The following SHANK2 variants were observed in gnomAD, a reference collection of about 807,000 sequenced individuals.
SHANK2 encodes the protein SH3 and multiple ankyrin repeat domains 2, also known as SH3 and multiple ankyrin repeat domains protein 2.
A neutral mutation model predicts 133.7 loss-of-function variants in SHANK2; 43 were observed. That is an observed-to-expected ratio of 0.32 (90% confidence interval 0.25 to 0.41). The LOEUF is 0.41. Ranked by LOEUF, SHANK2 falls within the 10% of genes least tolerant of loss-of-function variation. The pLI is 1.00. For synonymous variants in SHANK2, 1,017 were observed against 952.8 expected (o/e 1.07, Z -1.24); for missense variants, 1,994 against 2,235.8 (o/e 0.89, Z 2.18).
chr11:71,218,372 C>A (rs539676302), intron 2 of SHANK2, among the ~76,000 whole-genome samples: 1 of 146,592 alleles, frequency 6.8e-6, no homozygotes, highest in East Asian at 2.1e-4. Flanking sequence ...TCAAGCGATT[C>A]TCCTGCCTCA....
chr11:70,823,952 A>T (rs1323918648), intron 11 of SHANK2, among the ~76,000 whole-genome samples: 1 of 148,340 alleles, frequency 6.7e-6, no homozygotes, highest in African/African-American at 2.5e-5. Context: ...TCACAGGTAC[A>T]GAGGTGGTAT....
chr11:70,637,941 A>G (rs2061127869), intron 17 of SHANK2, among the ~76,000 whole-genome samples: 1 of 151,628 alleles, frequency 6.6e-6, no homozygotes, highest in Non-Finnish European at 1.5e-5. Flanking sequence ...CTGTCCATCA[A>G]TTCAGGCCCA....
chr11:70,948,458 C>T (rs1950786949), intron 10 of SHANK2: 1 of 443,262 alleles, frequency 2.3e-6, no homozygotes, highest in African/African-American at 2.0e-5. Flanking sequence ...CACCGAACAT[C>T]AGCCACACTT....
chr11:70,487,852 C>T lies in SHANK2; in HGVS notation c.2573-132G>A. The T allele has an allele frequency of 6.6e-7, 1 of 1,522,784 alleles. No individual in the cohort carries two copies. The highest frequency in any genetic ancestry group is 8.9e-7 in the Non-Finnish European group (1 of 1,128,282). 94.3% of individuals were successfully genotyped at this position (1,522,784 alleles called of 1,614,324 possible). On this transcript the variant is annotated intron_variant, in intron 24 of 25. Coordinates refer to ENST00000601538, the MANE Select transcript of SHANK2 (RefSeq NM_012309.5). This position sits in a 1 kb window ranked among gnomAD's most constrained non-coding sequence, Gnocchi z 5.8. ...TGAACCGGATGTTCAGGAAACACAG[C>T]ACAAGCCACGATGCCGAGTGGTTAG...
Position 70,487,124 on chromosome 11 carries a change from G to C in SHANK2, c.3169C>G (p.Pro1057Ala), listed in dbSNP as rs530258394. The C allele has an allele frequency of 1.7e-5, 28 of 1,611,992 alleles. No homozygotes were observed. In the Middle Eastern group the frequency reaches 5.0e-4, roughly 29 times the overall value. ...TGGCTCGGTGGCTCCGGGGCCTGGG[G>C]GTCGATCTCCATGCTGCTGCCCTGG... ...SSQGSSMEID[P>A]QAPEPPSQLR... Residue 1057 changes from proline to alanine, a missense_variant, in exon 25 of 26, where the codon CCC becomes GCC. Coordinates refer to ENST00000601538, the MANE Select transcript of SHANK2 (RefSeq NM_012309.5). The surrounding 1 kb of genome is among the most constrained non-coding windows in gnomAD (Gnocchi z 5.8).
rs1555149401 is a variant in SHANK2, at chr11:70,473,680, G to A, written c.4980-241C>T. On this transcript the variant is annotated intron_variant, in intron 25 of 25. Transcript: ENST00000601538. The surrounding 1 kb of genome is among the most constrained non-coding windows in gnomAD (Gnocchi z 5.9). ...CAGCCCACTCACCTGAACTGGGACA[G>A]AGGGGCTGGGGGACCTGCCTGTGCT... 3 of 606,458 alleles carry A rather than the reference G, an allele frequency of 4.9e-6. No individual in the cohort carries two copies. The highest frequency in any genetic ancestry group is 9.1e-6 in the Non-Finnish European group (3 of 329,790). The allele number at this position is 606,458 out of a possible 1,614,324, so 37.6% of individuals were successfully genotyped here. A position where few individuals can be genotyped will look rare whatever the true frequency, so the allele number is the denominator to read the frequency against.
intron 10 of SHANK2, among the ~76,000 whole-genome samples, chr11:70,942,326 T>C (rs782346665): frequency 1.3e-5 from 2 of 152,112 alleles, no homozygotes; most frequent in African/African-American, 2.4e-5. Flanking sequence ...AAAGGGGAAG[T>C]AGACACATGC....
chr11:71,081,295 C>G (rs969988468), intron 8 of SHANK2, among the ~76,000 whole-genome samples: 1 of 152,230 alleles, frequency 6.6e-6, no homozygotes, highest in Non-Finnish European at 1.5e-5. Flanking sequence ...GTTTGAGGAA[C>G]TTTGCAGTGG....
intron 11 of SHANK2, among the ~76,000 whole-genome samples, chr11:70,857,503 T>C (rs1949190063): frequency 6.6e-6 from 1 of 152,094 alleles, no homozygotes; most frequent in Non-Finnish European, 1.5e-5. Context: ...GGATATCCTA[T>C]TTCCTTTTCC....
At chr11:70,727,245 A>C (rs781823644) in intron 14 of SHANK2, among the ~76,000 whole-genome samples, 1 of 152,256 alleles carries the variant, frequency 6.6e-6, no homozygotes, top group Non-Finnish European at 1.5e-5. Flanking sequence ...GTAAAAATGC[A>C]TTGCGAATTT....
intron 12 of SHANK2, among the ~76,000 whole-genome samples, chr11:70,817,382 G>T (rs886428436): frequency 9.8e-5 from 15 of 152,304 alleles, no homozygotes; most frequent in South Asian, 6.2e-4. Flanking sequence ...TGAAGGGGTG[G>T]GGAAAGGGAA....
intron 2 of SHANK2, among the ~76,000 whole-genome samples, chr11:71,209,884 G>A (rs1263720538): frequency 2.6e-5 from 4 of 152,056 alleles, no homozygotes; most frequent in Non-Finnish European, 4.4e-5. Flanking sequence ...TGGGACAGCA[G>A]GACGTGTCCA....
chr11:71,158,233 A>G (rs1473314075), intron 2 of SHANK2, among the ~76,000 whole-genome samples: 1 of 152,240 alleles, frequency 6.6e-6, no homozygotes, highest in Non-Finnish European at 1.5e-5. Context: ...AAATTAAATA[A>G]TGTGTAACCA....
intron 2 of SHANK2, among the ~76,000 whole-genome samples, chr11:71,207,985 T>C (rs1591021010): frequency 1.3e-5 from 2 of 150,082 alleles, no homozygotes; most frequent in Admixed American, 6.6e-5. Context: ...GAAAGATTGG[T>C]GTCCGAGAGG....
At chr11:70,691,682 A>T (rs1032670567) in intron 15 of SHANK2, among the ~76,000 whole-genome samples, 1 of 152,234 alleles carries the variant, frequency 6.6e-6, no homozygotes, top group African/African-American at 2.4e-5. Context: ...ACTTGAGGTC[A>T]GGAGTTCGAG....
chr11:70,737,042 T>G (rs1946420995), intron 14 of SHANK2, among the ~76,000 whole-genome samples: 4 of 152,124 alleles, frequency 2.6e-5, no homozygotes, highest in Admixed American at 2.6e-4. Context: ...CTACTCTCCT[T>G]CACCCGCGGC....
chr11:70,538,414 C>T (rs782499026), intron 17 of SHANK2, among the ~76,000 whole-genome samples: 9 of 152,238 alleles, frequency 5.9e-5, no homozygotes, highest in Non-Finnish European at 1.3e-4. Context: ...GTGGACTGCA[C>T]GCTAGGCCTC....
intron 3 of SHANK2, among the ~76,000 whole-genome samples, chr11:71,121,480 G>C (rs1218693556): frequency 2.0e-5 from 3 of 152,192 alleles, no homozygotes; most frequent in Non-Finnish European, 4.4e-5. Context: ...TTGTCAGATG[G>C]ACAGATTGCA....
At chr11:70,678,248 G>A (rs1182807622) in intron 15 of SHANK2, among the ~76,000 whole-genome samples, 5 of 152,112 alleles carry the variant, frequency 3.3e-5, no homozygotes. Flanking sequence ...CTGGGCTCAA[G>A]CAATTCTTCT....
Sources: allele counts gnomAD v4.1 joint callset (sites outside exome capture counted in the v4.1 genomes callset), GRCh38; gene constraint gnomAD v4.1.1; non-coding constraint Gnocchi (gnomAD v3.1); transcripts MANE v1.5; gene names NCBI Gene and HGNC (gene_info 2026-07-23, HGNC 2026-07-21).